The following GALNT13 variants were observed in gnomAD, a reference collection of about 807,000 sequenced individuals.
GALNT13 encodes polypeptide N-acetylgalactosaminyltransferase 13, also known as UDP-GalNAc:polypeptide N-acetylgalactosaminyltransferase 13.
A neutral mutation model predicts 64.2 loss-of-function variants in GALNT13; 28 were observed. The observed-to-expected ratio is 0.44, with a 90% confidence interval of 0.32 to 0.60. GALNT13 has a LOEUF of 0.60. Ranked by LOEUF, GALNT13 falls within the 20% of genes least tolerant of loss-of-function variation. The pLI is 0.05. For missense variants in GALNT13, 577 were observed against 669.8 expected (o/e 0.86, Z 1.53); for synonymous variants, 214 against 224.6 (o/e 0.95, Z 0.42).
the GALNT13 span, among the ~76,000 whole-genome samples, chr2:153,080,997 C>G: frequency 6.6e-6 from 1 of 151,866 alleles, no homozygotes; most frequent in Non-Finnish European, 1.5e-5. Context: ...TTTCCTGAAT[C>G]TCTCTCCTTT....
At chr2:153,574,894 G>T in the GALNT13 span, among the ~76,000 whole-genome samples, 1 of 151,892 alleles carries the variant, frequency 6.6e-6, no homozygotes, top group African/African-American at 2.4e-5. Context: ...TAGTTGGTGA[G>T]TTTATGTTTT....
At chr2:153,726,669 C>T in the GALNT13 span, among the ~76,000 whole-genome samples, 6 of 151,956 alleles carry the variant, frequency 3.9e-5, no homozygotes, top group East Asian at 1.9e-4. Context: ...TGGCCGGGTG[C>T]GGTGGCTCAT....
the GALNT13 span, among the ~76,000 whole-genome samples, chr2:153,491,728 C>G: frequency 9.3e-4 from 142 of 152,096 alleles, 1 homozygote; most frequent in Middle Eastern, 3.4e-3. Context: ...TCAAGTGATT[C>G]TCTTGCCTCA....
chr2:154,405,631 GT>G (rs1393760505), intron 10 of GALNT13, among the ~76,000 whole-genome samples: 1 of 151,208 alleles, frequency 6.6e-6, no homozygotes, highest in Non-Finnish European at 1.5e-5. Context: ...GTGGGCACCT[GT>G]AATCCCAGCT....
the GALNT13 span, among the ~76,000 whole-genome samples, chr2:153,825,841 G>A: frequency 6.6e-6 from 1 of 152,132 alleles, no homozygotes; most frequent in African/African-American, 2.4e-5. Context: ...CATTTTGTAT[G>A]AAGTTCATTT....
At chr2:154,030,430 T>C (rs1469266060) in intron 3 of GALNT13, among the ~76,000 whole-genome samples, 2 of 152,106 alleles carry the variant, frequency 1.3e-5, no homozygotes, top group Non-Finnish European at 2.9e-5. Flanking sequence ...CTGAAAGTTA[T>C]CATGATGAAG....
the GALNT13 span, among the ~76,000 whole-genome samples, chr2:153,737,505 C>A: frequency 6.6e-6 from 1 of 151,730 alleles, no homozygotes; most frequent in African/African-American, 2.4e-5. Context: ...ATATAAATAT[C>A]TCCTAGGTTG....
intron 11 of GALNT13, among the ~76,000 whole-genome samples, chr2:154,412,525 CTTAG>C (rs1461620676): frequency 6.6e-6 from 1 of 151,632 alleles, no homozygotes; most frequent in Middle Eastern, 3.4e-3. Context: ...CCTTTTTTAA[CTTAG>C]TTACATTTCT....
chr2:154,306,869 C>T (rs886299249), intron 9 of GALNT13, among the ~76,000 whole-genome samples: 1 of 152,048 alleles, frequency 6.6e-6, no homozygotes, highest in African/African-American at 2.4e-5. Context: ...GGTTCAGAAT[C>T]TTGTGGCCTC....
the GALNT13 span, among the ~76,000 whole-genome samples, chr2:153,830,609 AT>A: frequency 6.6e-6 from 1 of 152,088 alleles, no homozygotes; most frequent in African/African-American, 2.4e-5. Flanking sequence ...TATGTTCTTT[AT>A]TTTTAACTTT....
the GALNT13 span, among the ~76,000 whole-genome samples, chr2:153,251,878 C>T: frequency 2.0e-5 from 3 of 151,866 alleles, no homozygotes; most frequent in Admixed American, 2.0e-4. Flanking sequence ...CATTATTGGA[C>T]ATTTGGGTTG....
chr2:153,188,376 G>T, the GALNT13 span, among the ~76,000 whole-genome samples: 3 of 131,490 alleles, frequency 2.3e-5, no homozygotes, highest in Admixed American at 1.5e-4. Flanking sequence ...ATTTAAAATT[G>T]GAAATAAACT....
At chr2:154,135,185 G>A (rs1682879110) in intron 3 of GALNT13, among the ~76,000 whole-genome samples, 1 of 151,776 alleles carries the variant, frequency 6.6e-6, no homozygotes, top group Non-Finnish European at 1.5e-5. Flanking sequence ...CTTCCTTCCT[G>A]CCTGCCTGCC....
At chr2:154,112,387 G>A (rs1369405839) in intron 3 of GALNT13, among the ~76,000 whole-genome samples, 1 of 152,188 alleles carries the variant, frequency 6.6e-6, no homozygotes, top group Non-Finnish European at 1.5e-5. Context: ...CACAGAACGG[G>A]TCATCCTATT....
chr2:154,424,400 T>C (rs1015988090), intron 11 of GALNT13, among the ~76,000 whole-genome samples: 1 of 152,180 alleles, frequency 6.6e-6, no homozygotes, highest in African/African-American at 2.4e-5. Context: ...GTATGTGCTA[T>C]ATCATATTTA....
chr2:153,176,770 T>A, the GALNT13 span, among the ~76,000 whole-genome samples: 4 of 139,680 alleles, frequency 2.9e-5, no homozygotes, highest in Admixed American at 2.8e-4. Context: ...TGCCTGAGTT[T>A]AAAAAAAAAA....
chr2:153,580,416 T>C, the GALNT13 span, among the ~76,000 whole-genome samples: 1 of 151,852 alleles, frequency 6.6e-6, no homozygotes, highest in Non-Finnish European at 1.5e-5. Context: ...GAATGTATAA[T>C]CAATAGACCC....
At chr2:154,139,502 A>G (rs1683138666) in intron 3 of GALNT13, among the ~76,000 whole-genome samples, 1 of 151,944 alleles carries the variant, frequency 6.6e-6, no homozygotes, top group African/African-American at 2.4e-5. Flanking sequence ...CCAGAACCAC[A>G]TTCCTTTCAC....
chr2:154,341,139 T>C (rs1313987881), intron 9 of GALNT13, among the ~76,000 whole-genome samples: 1 of 152,062 alleles, frequency 6.6e-6, no homozygotes, highest in East Asian at 1.9e-4. Context: ...TGCACTAGCT[T>C]TTTTTCCTTT....
Sources: allele counts gnomAD v4.1 joint callset (sites outside exome capture counted in the v4.1 genomes callset), GRCh38; gene constraint gnomAD v4.1.1; transcripts MANE v1.5; gene names NCBI Gene and HGNC (gene_info 2026-07-23, HGNC 2026-07-21).